The following LRRC43 variants were observed in gnomAD, a reference collection of about 807,000 sequenced individuals.
LRRC43 encodes leucine-rich repeat-containing protein 43.
LRRC43 carries 62 observed loss-of-function variants against 64.3 expected under a neutral mutation model. The ratio of observed to expected loss-of-function variants is 0.96; its 90% CI spans 0.79 to 1.19. The LOEUF (loss-of-function observed/expected upper bound fraction) is 1.19. Ranked by LOEUF, LRRC43 falls within the 50% of genes most tolerant of loss-of-function variation. The pLI is 0.00. For missense variants in LRRC43, 868 were observed against 845.0 expected (o/e 1.03, Z -0.34); for synonymous variants, 422 against 382.3 (o/e 1.10, Z -1.21).
intron 7 of LRRC43, among the ~76,000 whole-genome samples, chr12:122,199,337 T>C (rs1343498014): frequency 7.4e-6 from 1 of 134,924 alleles, no homozygotes; most frequent in Admixed American, 7.7e-5. Flanking sequence ...GGCTGGAGTG[T>C]ACTGTCGCGA....
chr12:122,172,073 C>G (rs1232416504), intron 1 of LRRC43: 1 of 181,810 alleles, frequency 5.5e-6, no homozygotes, highest in Non-Finnish European at 1.1e-5. Context: ...ATTCCGAGGG[C>G]TCCCCCAGGG....
chr12:122,186,238 T>C lies in LRRC43; in HGVS notation c.460T>C (p.Leu154=). Reference sequence around the variant, plus strand: ...CCTGAAATTTCTAAAGCTGGAGGAGTTGGTACTGAGCGCCAATCGAATCAA... The same window carrying C: ...CCTGAAATTTCTAAAGCTGGAGGAGCTGGTACTGAGCGCCAATCGAATCAA... The part of the protein sequence containing the change: ...DLLKFLKLEE[L]VLSANRIKEV... The change falls in exon 3 of 12, where the codon TTG becomes CTG. Residue 154 remains leucine, a synonymous_variant. Coordinates refer to ENST00000339777, the MANE Select transcript of LRRC43 (RefSeq NM_001098519.2). The C allele has an allele frequency of 6.2e-7, 1 of 1,606,320 alleles. No homozygotes were observed. Among genetic ancestry groups the C allele is most frequent in the African/African-American group, 1.3e-5 (1 of 74,722 alleles).
At chr12:122,201,017 C>T (rs1337835859) in intron 10 of LRRC43, 83 bp downstream of exon 10, 23 of 1,471,238 alleles carry the variant, frequency 1.6e-5, no homozygotes, top group Non-Finnish European at 1.8e-5. Context: ...GGGCTGTGGG[C>T]CCAGGTCACG....
Position 122,186,389 on chromosome 12 carries a change from GGGTGGAGGGTAA to G in LRRC43, c.522+92_522+103del. The G allele has an allele frequency of 1.2e-5, 10 of 805,894 alleles. No homozygotes were observed. In the South Asian group the frequency reaches 1.5e-4, roughly 12 times the overall value. 49.9% of individuals were successfully genotyped at this position (805,894 alleles called of 1,614,324 possible). A position where few individuals can be genotyped will look rare whatever the true frequency, so the allele number is the denominator to read the frequency against. On this transcript the variant is annotated intron_variant, in intron 3 of 11. Coordinates refer to ENST00000339777, the MANE Select transcript of LRRC43 (RefSeq NM_001098519.2). ...CTGCCCCACATAGTGTGGCCAGCAT[GGGTGGAGGGTAA>G]GGCCCAGCTCCAGGCTTTTAAAATG...
chr12:122,183,091 G>T, upstream of LRRC43: 1 of 1,510,290 alleles, frequency 6.6e-7, no homozygotes, highest in East Asian at 2.6e-5. Context: ...GCCTGGAGAG[G>T]CCCCTGCCCC....
At chr12:122,172,174 G>A (rs1953491005) in intron 1 of LRRC43, 3 of 451,404 alleles carry the variant, frequency 6.6e-6, no homozygotes, top group Non-Finnish European at 1.2e-5. Flanking sequence ...TAAGACTTAA[G>A]CCTGCAGAAG....
intron 7 of LRRC43, among the ~76,000 whole-genome samples, chr12:122,198,196 G>A (rs1224306050): frequency 1.3e-5 from 2 of 152,156 alleles, no homozygotes; most frequent in Non-Finnish European, 2.9e-5. Flanking sequence ...GGCCAGGAGA[G>A]TTCGAGACCA....
intron 1 of LRRC43, among the ~76,000 whole-genome samples, chr12:122,175,154 T>TTTTC (rs536364664): frequency 0.025 from 3,773 of 151,096 alleles, 143 homozygotes; most frequent in African/African-American, 0.08. Context: ...ACTTTATTGC[T>TTTTC]TTTCTTTCTT....
At chr12:122,202,219 A>G (rs1451722382) in intron 11 of LRRC43, 1 of 149,244 alleles carries the variant, frequency 6.7e-6, no homozygotes, top group Non-Finnish European at 1.5e-5. Context: ...TTTTTTTTTT[A>G]ATCTCTTTAA....
upstream of LRRC43, among the ~76,000 whole-genome samples, chr12:122,180,682 G>A (rs1448983020): frequency 6.6e-6 from 1 of 152,144 alleles, no homozygotes. Flanking sequence ...TCTGTGGTCT[G>A]CCCAGACCTG....
Position 122,200,740 on chromosome 12 carries a change from T to TC in LRRC43, c.1621-5dup. 6.2e-7 allele frequency: 1 copy of TC among 1,613,056 alleles called. No homozygotes were observed. The highest frequency in any genetic ancestry group is 1.1e-5 in the South Asian group (1 of 91,066). On this transcript the variant is annotated splice_region_variant and splice_polypyrimidine_tract_variant and intron_variant, in intron 9 of 11. Transcript: ENST00000339777. The surrounding 1 kb of genome is among the most constrained non-coding windows in gnomAD (Gnocchi z 4.6). ...GTCCCACCCTCCTGTCCTCCCGTCG[T>TC]CGCAGGAGTGGAAGGTGCTGAAGAA...
chr12:122,196,978 A>G (rs939931770), intron 7 of LRRC43, among the ~76,000 whole-genome samples: 8 of 152,122 alleles, frequency 5.3e-5, no homozygotes, highest in African/African-American at 1.9e-4. Context: ...AACAGCGGAA[A>G]TGAGACTTTT....
intron 3 of LRRC43, 179 bp from the exon 4 acceptor site, chr12:122,187,522 C>A: frequency 1.8e-6 from 1 of 563,804 alleles, no homozygotes. Flanking sequence ...CTTCCCAAGA[C>A]CTGCTGCAGG....
intron 1 of LRRC43, 95 bp downstream of exon 1, chr12:122,183,389 G>A: frequency 1.1e-5 from 14 of 1,303,738 alleles, no homozygotes; most frequent in Non-Finnish European, 1.4e-5. Flanking sequence ...TGGGGCCTGG[G>A]ATCTGCGCAT....
Position 122,189,548 on chromosome 12 carries a change from T to C in LRRC43, c.663-582T>C, listed in dbSNP as rs547077770. On this transcript the variant is annotated intron_variant, in intron 4 of 11. Transcript: ENST00000339777. ...GTCACCCTGCCCCTGCCCTGTGTCTTGGTCTGGCCACAGGCCTTGGCCCGT... is the reference window on the plus strand; with the variant it reads ...GTCACCCTGCCCCTGCCCTGTGTCTCGGTCTGGCCACAGGCCTTGGCCCGT... 647 of 455,642 alleles carry C rather than the reference T, an allele frequency of 1.4e-3. 11 individuals are homozygous for C. Among genetic ancestry groups the C allele is most frequent in the South Asian group, 9.8e-3 (633 of 64,398 alleles). 28.2% of individuals were successfully genotyped at this position (455,642 alleles called of 1,614,324 possible).
At chr12:122,195,728 C>A (rs982924618) in intron 7 of LRRC43, among the ~76,000 whole-genome samples, 1 of 152,164 alleles carries the variant, frequency 6.6e-6, no homozygotes, top group Non-Finnish European at 1.5e-5. Flanking sequence ...GATGTGTTTG[C>A]ATTTATCCTG....
At chr12:122,188,341 T>A (rs1274318309) in intron 4 of LRRC43, among the ~76,000 whole-genome samples, 1 of 152,070 alleles carries the variant, frequency 6.6e-6, no homozygotes, top group Non-Finnish European at 1.5e-5. Context: ...TCTCCTGACC[T>A]CGTGATCCGC....
At chr12:122,172,536 ATGTT>A (rs1236936165) in intron 1 of LRRC43, 1 of 1,614,148 alleles carries the variant, frequency 6.2e-7, no homozygotes, top group Non-Finnish European at 8.5e-7. Flanking sequence ...TGGCACAGAA[ATGTT>A]TGTTTCTGGT....
chr12:122,182,114 G>A (rs1035720932), upstream of LRRC43, among the ~76,000 whole-genome samples: 19 of 152,156 alleles, frequency 1.2e-4, no homozygotes, highest in Middle Eastern at 3.4e-3. Flanking sequence ...ATGGCTGGGC[G>A]TGGTGGCTCA....
Sources: allele counts gnomAD v4.1 joint callset (sites outside exome capture counted in the v4.1 genomes callset), GRCh38; gene constraint gnomAD v4.1.1; non-coding constraint Gnocchi (gnomAD v3.1); transcripts MANE v1.5; gene names NCBI Gene and HGNC (gene_info 2026-07-23, HGNC 2026-07-21).